VRK2: variants seen among roughly 807,000 people sequenced by gnomAD.
VRK2 encodes serine/threonine-protein kinase VRK2.
Under a neutral mutation model 57.6 loss-of-function variants are expected in VRK2, and 60 were observed. The observed-to-expected ratio is 1.04, with a 90% CI of 0.85 to 1.29. The LOEUF is 1.29. Ranked by LOEUF, VRK2 falls within the 50% of genes most tolerant of loss-of-function variation. The pLI, the probability that VRK2 is intolerant of heterozygous loss-of-function variation, is 0.00. For synonymous variants in VRK2, 231 were observed against 199.2 expected (o/e 1.16, Z -1.35); for missense variants, 705 against 588.1 (o/e 1.20, Z -2.06).
At chr2:58,028,886 A>T (rs1216121577) in intron 2 of VRK2, among the ~76,000 whole-genome samples, 5 of 96,874 alleles carry the variant, frequency 5.2e-5, no homozygotes, top group Admixed American at 2.2e-4. Context: ...AAAGTATAAT[A>T]AATAAATAAA....
chr2:58,072,909 A>G (rs1669558190), intron 2 of VRK2, among the ~76,000 whole-genome samples: 1 of 151,980 alleles, frequency 6.6e-6, no homozygotes, highest in Non-Finnish European at 1.5e-5. Flanking sequence ...CTACTATGTA[A>G]GTTTAGATAA....
At chr2:57,992,909 T>G (rs1426833533) in intron 1 of VRK2, among the ~76,000 whole-genome samples, 1 of 152,216 alleles carries the variant, frequency 6.6e-6, no homozygotes, top group East Asian at 1.9e-4. Flanking sequence ...AAATTCATGC[T>G]CTCTACAGCC....
intron 7 of VRK2, among the ~76,000 whole-genome samples, chr2:58,105,807 A>G (rs951932720): frequency 6.6e-6 from 1 of 151,868 alleles, no homozygotes; most frequent in African/African-American, 2.4e-5. Context: ...CTCAAATACT[A>G]TCTTTGAATT....
intron 7 of VRK2, among the ~76,000 whole-genome samples, chr2:58,101,407 A>G (rs932563012): frequency 1.3e-5 from 2 of 151,732 alleles, no homozygotes; most frequent in African/African-American, 4.8e-5. Flanking sequence ...TGCATCTCCA[A>G]AAACTAAGGA....
chr2:57,937,188 A>C (rs1670941197), intron 1 of VRK2, among the ~76,000 whole-genome samples: 1 of 152,226 alleles, frequency 6.6e-6, no homozygotes, highest in Non-Finnish European at 1.5e-5. Context: ...AAATCTTTTA[A>C]TTACAAAGAC....
chr2:58,104,428 T>TA (rs1674448361), intron 7 of VRK2, among the ~76,000 whole-genome samples: 1 of 151,238 alleles, frequency 6.6e-6, no homozygotes, highest in Non-Finnish European at 1.5e-5. Context: ...ACAGTGAAGC[T>TA]AAGAACCAAA....
At chr2:57,956,780 T>C (rs1439516768) in intron 1 of VRK2, among the ~76,000 whole-genome samples, 1 of 152,184 alleles carries the variant, frequency 6.6e-6, no homozygotes, top group East Asian at 1.9e-4. Context: ...ATTTTAGAAA[T>C]GAAGCTTTCA....
chr2:58,117,406 G>T (rs537046293), intron 7 of VRK2, among the ~76,000 whole-genome samples: 2 of 152,198 alleles, frequency 1.3e-5, no homozygotes, highest in East Asian at 1.9e-4. Context: ...AAAGATTACA[G>T]GGTGGAGGAG....
intron 2 of VRK2, among the ~76,000 whole-genome samples, chr2:58,083,623 T>A (rs1040408651): frequency 2.0e-5 from 3 of 151,858 alleles, no homozygotes; most frequent in Non-Finnish European, 3.0e-5. Flanking sequence ...GTTTTGAACT[T>A]TCTACTTAAA....
At chr2:58,046,950 G>C (rs374096249) in intron 1 of VRK2, 82 bp downstream of exon 1, 1 of 985,546 alleles carries the variant, frequency 1.0e-6, no homozygotes, top group Non-Finnish European at 1.2e-6. Context: ...CTCGGAAAAG[G>C]GCTGCCGTCG....
intron 11 of VRK2, among the ~76,000 whole-genome samples, chr2:58,140,436 C>T (rs958321055): frequency 2.0e-5 from 3 of 151,894 alleles, no homozygotes; most frequent in South Asian, 4.1e-4. Flanking sequence ...CTTAGACTGC[C>T]GTTATTAGCA....
chr2:58,123,373 A>G (rs1288371042), intron 8 of VRK2, 140 bp downstream of exon 8: 10 of 952,338 alleles, frequency 1.1e-5, no homozygotes, highest in African/African-American at 8.8e-5. Context: ...AAAGTAATGA[A>G]TTCCTGTTAT....
chr2:58,078,290 A>T (rs993666617), intron 2 of VRK2, among the ~76,000 whole-genome samples: 1 of 152,092 alleles, frequency 6.6e-6, no homozygotes, highest in Non-Finnish European at 1.5e-5. Context: ...TACTTAGCCT[A>T]ATGTCCTCAA....
rs747481486 is a variant in VRK2 at position 58,146,410 on chromosome 2, G to A, written c.1118G>A (p.Cys373Tyr). The change falls in exon 12 of 13, where the codon TGT becomes TAT. Residue 373 changes from cysteine to tyrosine, a missense_variant. Coordinates refer to ENST00000340157, the MANE Select transcript of VRK2 (RefSeq NM_006296.7). ...CACAGTGAGAGAAGCGCTGAGTCCT[G>A]TGCAACATGGAAAGTGCAGAAAGAG... is the stretch of plus-strand genomic sequence containing the variant. ...KVHSERSAES[C>Y]ATWKVQKEEK... 9.9e-6 allele frequency: 16 copies of A among 1,611,740 alleles called. No individual in the cohort carries two copies. Among genetic ancestry groups the A allele is most frequent in the African/African-American group, 1.3e-5 (1 of 74,768 alleles).
intron 1 of VRK2, among the ~76,000 whole-genome samples, chr2:57,956,426 C>T (rs774242114): frequency 9.2e-5 from 14 of 152,124 alleles, no homozygotes; most frequent in Non-Finnish European, 1.9e-4. Flanking sequence ...AGTATTCATT[C>T]GTTTTGCACT....
At chr2:58,118,664 A>C (rs1476007627) in intron 7 of VRK2, among the ~76,000 whole-genome samples, 1 of 151,890 alleles carries the variant, frequency 6.6e-6, no homozygotes, top group Admixed American at 6.5e-5. Flanking sequence ...TGATCTCCCA[A>C]GGGAGGTCCC....
At chr2:57,954,933 A>T (rs1671536661) in intron 1 of VRK2, among the ~76,000 whole-genome samples, 1 of 152,184 alleles carries the variant, frequency 6.6e-6, no homozygotes, top group African/African-American at 2.4e-5. Context: ...AATTATGTAG[A>T]TTATTGGAGA....
At position 58,141,603 on chromosome 2, in the gene VRK2, AT is replaced by A. The variant is rs1681348567; in HGVS notation, c.1023+1775del. Among the ~76,000 whole-genome samples the A allele has an allele frequency of 2.0e-5, 3 of 152,108 alleles. No individual in the cohort carries two copies. In the South Asian group the frequency reaches 6.2e-4, roughly 32 times the overall value. ...AGACAGTAAGATGATTTGGGGATATATTTTGCAGCAGATCAATATTTATTTA... is the reference window on the plus strand; with the variant it reads ...AGACAGTAAGATGATTTGGGGATATATTTGCAGCAGATCAATATTTATTTA... On this transcript the variant is annotated intron_variant, in intron 11 of 12. Coordinates refer to ENST00000340157, the MANE Select transcript of VRK2 (RefSeq NM_006296.7).
chr2:58,012,334 T>A (rs917350524), intron 1 of VRK2, among the ~76,000 whole-genome samples: 9 of 152,188 alleles, frequency 5.9e-5, no homozygotes, highest in African/African-American at 2.2e-4. Context: ...CGCCCTGAAT[T>A]CTTTCTTGCA....
Sources: allele counts gnomAD v4.1 joint callset (sites outside exome capture counted in the v4.1 genomes callset), GRCh38; gene constraint gnomAD v4.1.1; transcripts MANE v1.5; gene names NCBI Gene and HGNC (gene_info 2026-07-23, HGNC 2026-07-21).